The following RBM20 variants were observed in gnomAD, a reference collection of about 807,000 sequenced individuals.
The protein encoded by RBM20 is RNA-binding protein 20.
In RBM20, 51 loss-of-function variants were observed where a neutral mutation model predicts 110.1. The ratio of observed to expected loss-of-function variants is 0.46; its 90% CI spans 0.37 to 0.59. The LOEUF (loss-of-function observed/expected upper bound fraction) is 0.59, where lower values mean the gene tolerates loss of function less well. RBM20 is among the 20% of genes least tolerant of loss of function. The pLI is 0.00. For synonymous variants in RBM20, 589 were observed against 618.2 expected (o/e 0.95, Z 0.70); for missense variants, 1,512 against 1,574.9 (o/e 0.96, Z 0.68).
intron 1 of RBM20, among the ~76,000 whole-genome samples, chr10:110,713,301 T>C (rs1178483561): frequency 1.3e-5 from 2 of 152,246 alleles, no homozygotes; most frequent in African/African-American, 2.4e-5. Context: ...CAGAGTAACG[T>C]GCACTAGGCT....
intron 1 of RBM20, among the ~76,000 whole-genome samples, chr10:110,727,419 A>AAAAAATAAAAAAAAAAAT (rs377734576): frequency 6.8e-6 from 1 of 146,726 alleles, no homozygotes; most frequent in Non-Finnish European, 1.5e-5. Flanking sequence ...AAATAAAAAA[A>AAAAAATAAAAAAAAAAAT]AAATAAATAA....
At chr10:110,764,780 C>T (rs921197168) in intron 1 of RBM20, among the ~76,000 whole-genome samples, 5 of 152,176 alleles carry the variant, frequency 3.3e-5, no homozygotes, top group East Asian at 1.9e-4. Flanking sequence ...CTTCGATAGC[C>T]GCAGGTCAGC....
In RBM20 at chr10:110,644,532, G is replaced by A; in HGVS notation, c.78G>A (p.Val26=). The A allele has an allele frequency of 2.6e-6, 4 of 1,529,102 alleles. No homozygotes were observed. In the East Asian group the frequency reaches 7.7e-5, roughly 29 times the overall value. 94.7% of individuals were successfully genotyped at this position (1,529,102 alleles called of 1,614,324 possible). ...AGCCGGACAGAGTTGCCTGCAGTGT[G>A]CCTGGTGCCCGGGCGTCCCCGGCAC... ...PEQPDRVACS[V]PGARASPAPS... is the part of the protein sequence containing the mutation. Residue 26 remains valine, a synonymous_variant, in exon 1 of 14, where the codon GTG becomes GTA. Coordinates refer to ENST00000369519, the MANE Select transcript of RBM20 (RefSeq NM_001134363.3). This position sits in a 1 kb window ranked among gnomAD's most constrained non-coding sequence, Gnocchi z 4.3.
At chr10:110,835,422 G>C (rs1422353937) in intron 13 of RBM20, 1 of 146,494 alleles carries the variant, frequency 6.8e-6, no homozygotes, top group Non-Finnish European at 1.5e-5. Flanking sequence ...AGCAACCTCC[G>C]CCTCCCGGGT....
intron 7 of RBM20, among the ~76,000 whole-genome samples, chr10:110,806,575 G>C (rs551758588): frequency 6.6e-6 from 1 of 152,264 alleles, no homozygotes; most frequent in Admixed American, 6.5e-5. Context: ...CCTCCCACCA[G>C]GCCCCACCTT....
At chr10:110,679,627 G>A (rs748263986) in intron 1 of RBM20, among the ~76,000 whole-genome samples, 2 of 152,194 alleles carry the variant, frequency 1.3e-5, no homozygotes, top group Non-Finnish European at 2.9e-5. Context: ...CTGCCTCATG[G>A]GGTTGTTTTG....
At chr10:110,721,820 G>A (rs1331121274) in intron 1 of RBM20, among the ~76,000 whole-genome samples, 1 of 152,144 alleles carries the variant, frequency 6.6e-6, no homozygotes, top group African/African-American at 2.4e-5. Context: ...ATTTATTGCA[G>A]AACCTTCCTC....
chr10:110,656,472 G>A (rs1030398660), intron 1 of RBM20, among the ~76,000 whole-genome samples: 13 of 152,134 alleles, frequency 8.5e-5, no homozygotes, highest in Non-Finnish European at 1.5e-4. Flanking sequence ...ACTCATGTGT[G>A]TGTGTGTGTG....
At chr10:110,732,143 T>C (rs1843625971) in intron 1 of RBM20, among the ~76,000 whole-genome samples, 1 of 152,118 alleles carries the variant, frequency 6.6e-6, no homozygotes, top group African/African-American at 2.4e-5. Context: ...TTCTCGAGAG[T>C]ATTTCTTATA....
At chr10:110,826,730 C>A (rs1417551040) in intron 12 of RBM20, among the ~76,000 whole-genome samples, 3 of 151,902 alleles carry the variant, frequency 2.0e-5, no homozygotes. Context: ...TTACAGGCAC[C>A]TGCCACCACG....
intron 1 of RBM20, among the ~76,000 whole-genome samples, chr10:110,687,124 G>T (rs1027163100): frequency 6.6e-6 from 1 of 151,994 alleles, no homozygotes; most frequent in Non-Finnish European, 1.5e-5. Flanking sequence ...AGCTGCCTAT[G>T]GCAAGATTGT....
At chr10:110,800,684 G>T (rs138783999) in intron 7 of RBM20, among the ~76,000 whole-genome samples, 15 of 152,142 alleles carry the variant, frequency 9.9e-5, no homozygotes, top group Non-Finnish European at 1.6e-4. Flanking sequence ...TGACTTCAAT[G>T]ATAATCATAT....
chr10:110,806,390 G>A (rs769567545), intron 7 of RBM20, among the ~76,000 whole-genome samples: 17 of 152,278 alleles, frequency 1.1e-4, no homozygotes, highest in African/African-American at 2.2e-4. Flanking sequence ...ACTTACAGTC[G>A]TGGCAGAAGG....
Position 110,799,902 on chromosome 10 carries a change from A to G in RBM20, c.1784A>G (p.Lys595Arg), listed in dbSNP as rs542484442. 4.5e-6 allele frequency: 7 copies of G among 1,552,070 alleles called. No homozygotes were observed. In the East Asian group the frequency reaches 7.3e-5, roughly 16 times the overall value. Residue 595 changes from lysine to arginine, a missense_variant, in exon 7 of 14, where the codon AAG becomes AGG. Around this residue, in one of 3 missense-constraint regions of RBM20, gnomAD observed 1,149 missense variants for 1,169.4 expected, o/e 0.98. Transcript: ENST00000369519. ...KLLIRMSKRY[K>R]ELQLKKPGKA... ...CTCATTCGGATGTCCAAGAGATACA[A>G]GGAATTGCAGCTCAAGGTAAAGCAT...
chr10:110,652,812 A>G (rs1861970375), intron 1 of RBM20, among the ~76,000 whole-genome samples: 1 of 152,244 alleles, frequency 6.6e-6, no homozygotes, highest in African/African-American at 2.4e-5. Context: ...GGAGGCATTC[A>G]TAAATTAACC....
At chr10:110,665,943 G>T (rs1033608168) in intron 1 of RBM20, among the ~76,000 whole-genome samples, 2 of 146,584 alleles carry the variant, frequency 1.4e-5, no homozygotes, top group Non-Finnish European at 3.0e-5. Flanking sequence ...TGGTGAAACT[G>T]TCTCTACAAA....
chr10:110,771,325 C>T (rs1283680763), intron 1 of RBM20, among the ~76,000 whole-genome samples: 3 of 152,012 alleles, frequency 2.0e-5, no homozygotes, highest in African/African-American at 4.8e-5. Flanking sequence ...GACCAGGTTT[C>T]GCCATGTTGG....
rs1406011277 is a variant in RBM20, at chr10:110,821,728, G to A, written c.3109G>A (p.Val1037Ile). 5 of 1,551,778 alleles carry A rather than the reference G, an allele frequency of 3.2e-6. No individual in the cohort carries two copies. The East Asian group carries it at 7.3e-5, about 23-fold the overall frequency. The change falls in exon 11 of 14, where the codon GTT (valine) becomes ATT (isoleucine). Residue 1037 changes from valine to isoleucine, a missense_variant. By Grantham distance (29) the Val-to-Ile change is conservative. Coordinates refer to ENST00000369519, the MANE Select transcript of RBM20 (RefSeq NM_001134363.3). The stretch of plus-strand genomic sequence containing the variant: ...GGCAAAGGGAGTGGAGAGCTCAGAT[G>A]TTCATCCAGCCCCTACAGTCCAGCA... The part of the protein sequence containing the change: ...KEAKGVESSD[V>I]HPAPTVQQMS...
chr10:110,705,875 G>A (rs577757251), intron 1 of RBM20, among the ~76,000 whole-genome samples: 13 of 152,282 alleles, frequency 8.5e-5, no homozygotes, highest in Non-Finnish European at 1.6e-4. Flanking sequence ...GAGGTCAGGA[G>A]TTTGAGACCA....
Sources: gnomAD v4.1 joint callset for allele counts (sites outside exome capture counted in the v4.1 genomes callset) on GRCh38, gnomAD v4.1.1 for gene constraint, gnomAD v4.1.1 regional missense constraint, Gnocchi (gnomAD v3.1) non-coding constraint, MANE v1.5 for transcripts, NCBI Gene and HGNC (gene_info 2026-07-23, HGNC 2026-07-21) for gene names.